The following CCDC178 variants were observed in gnomAD, a reference collection of about 807,000 sequenced individuals.
The protein encoded by CCDC178 is coiled-coil domain containing 178.
Under a neutral mutation model 117.4 loss-of-function variants are expected in CCDC178, and 126 were observed. That is an observed-to-expected ratio of 1.07 (90% CI 0.93 to 1.24). CCDC178 has a LOEUF of 1.24. Among genes scored for constraint, CCDC178 ranks in the 50% most tolerant of loss-of-function variants. The pLI is 0.00. For synonymous variants in CCDC178, 283 were observed against 313.4 expected (o/e 0.90, Z 1.02); for missense variants, 1,030 against 986.9 (o/e 1.04, Z -0.59).
intron 11 of CCDC178, among the ~76,000 whole-genome samples, chr18:33,296,691 T>C (rs889488729): frequency 6.6e-6 from 1 of 152,184 alleles, no homozygotes; most frequent in Non-Finnish European, 1.5e-5. Flanking sequence ...AAGTGAACTT[T>C]AGTGGTTCAC....
chr18:33,057,037 C>A (rs2056842993), intron 21 of CCDC178, among the ~76,000 whole-genome samples: 1 of 147,662 alleles, frequency 6.8e-6, no homozygotes, highest in South Asian at 2.1e-4. Context: ...GGAAAAAAGT[C>A]AAAACTTTAC....
At chr18:33,387,620 C>T (rs2063511880) in intron 5 of CCDC178, among the ~76,000 whole-genome samples, 1 of 152,150 alleles carries the variant, frequency 6.6e-6, no homozygotes, top group South Asian at 2.1e-4. Flanking sequence ...AAACGATTAC[C>T]TATTTAATAA....
intron 4 of CCDC178, among the ~76,000 whole-genome samples, chr18:33,389,858 G>T (rs550246218): frequency 6.6e-6 from 1 of 151,764 alleles, no homozygotes; most frequent in East Asian, 1.9e-4. Flanking sequence ...ATAGCATGAG[G>T]CTGTTTAAAA....
At chr18:33,236,791 C>G (rs530539702) in intron 15 of CCDC178, among the ~76,000 whole-genome samples, 2 of 152,118 alleles carry the variant, frequency 1.3e-5, no homozygotes, top group Admixed American at 6.5e-5. Flanking sequence ...GAGAGCAGCA[C>G]GAAGGCACCT....
At chr18:33,118,803 A>G (rs2057894583) in intron 20 of CCDC178, among the ~76,000 whole-genome samples, 1 of 152,188 alleles carries the variant, frequency 6.6e-6, no homozygotes, top group African/African-American at 2.4e-5. Flanking sequence ...CTACAAGGCT[A>G]CAGTAACCAA....
rs981288588 is a variant in CCDC178 at position 33,149,698 on chromosome 18, C to A, written c.2239-56788G>T. ...CCATTAATATTCCATTATACAATCTCCCCTTTCCTGCTCCCCACAAACATG... is the reference window on the plus strand; with the variant it reads ...CCATTAATATTCCATTATACAATCTACCCTTTCCTGCTCCCCACAAACATG... On this transcript the variant is annotated intron_variant, in intron 20 of 22. Transcript: ENST00000383096. 2.0e-5 allele frequency among the ~76,000 whole-genome samples: 3 copies of A among 152,186 alleles called. No homozygotes were observed. In the East Asian group the frequency reaches 5.8e-4, roughly 29 times the overall value.
At chr18:33,003,530 A>T (rs998589900) in intron 21 of CCDC178, among the ~76,000 whole-genome samples, 2 of 152,126 alleles carry the variant, frequency 1.3e-5, no homozygotes, top group South Asian at 2.1e-4. Flanking sequence ...TAGTAGGAAC[A>T]TACCTCAATA....
At chr18:33,098,242 T>C (rs1055624006) in intron 20 of CCDC178, among the ~76,000 whole-genome samples, 2 of 152,128 alleles carry the variant, frequency 1.3e-5, no homozygotes. Flanking sequence ...AATAGCTGTT[T>C]ACAAATACCT....
At chr18:32,960,105 A>G (rs2054676518) in intron 22 of CCDC178, among the ~76,000 whole-genome samples, 1 of 152,152 alleles carries the variant, frequency 6.6e-6, no homozygotes, top group African/African-American at 2.4e-5. Flanking sequence ...TCCTAAAGCT[A>G]CATCATATTG....
chr18:33,086,074 C>T (rs937360183), intron 21 of CCDC178, among the ~76,000 whole-genome samples: 2 of 151,610 alleles, frequency 1.3e-5, no homozygotes, highest in Admixed American at 6.6e-5. Flanking sequence ...AGAAAATATA[C>T]CTATCATAAA....
At chr18:33,214,781 T>C (rs1048928648) in intron 19 of CCDC178, among the ~76,000 whole-genome samples, 3 of 152,026 alleles carry the variant, frequency 2.0e-5, no homozygotes, top group African/African-American at 7.2e-5. Flanking sequence ...CTTGACTCCA[T>C]TAGAATGCAT....
At chr18:33,174,567 A>G (rs1001469195) in intron 20 of CCDC178, among the ~76,000 whole-genome samples, 14 of 152,206 alleles carry the variant, frequency 9.2e-5, no homozygotes, top group Non-Finnish European at 8.8e-5. Flanking sequence ...GACCAAAGAT[A>G]GGTCATCACA....
At chr18:33,028,353 C>T (rs1011301911) in intron 21 of CCDC178, among the ~76,000 whole-genome samples, 1 of 151,744 alleles carries the variant, frequency 6.6e-6, no homozygotes, top group African/African-American at 2.4e-5. Context: ...ATACATTCAT[C>T]ATAATACATT....
At chr18:33,394,155 C>T (rs1262547057) in intron 4 of CCDC178, among the ~76,000 whole-genome samples, 1 of 151,778 alleles carries the variant, frequency 6.6e-6, no homozygotes, top group Non-Finnish European at 1.5e-5. Flanking sequence ...TTACATAAAA[C>T]ATCAGTGTCA....
intron 2 of CCDC178, among the ~76,000 whole-genome samples, chr18:33,425,815 T>A (rs1269137675): frequency 1.3e-5 from 2 of 152,142 alleles, no homozygotes; most frequent in Non-Finnish European, 2.9e-5. Context: ...AAGTTGACAT[T>A]TCTAGAGGCT....
At chr18:33,001,172 G>T (rs2055623235) in intron 21 of CCDC178, among the ~76,000 whole-genome samples, 1 of 152,172 alleles carries the variant, frequency 6.6e-6, no homozygotes, top group Non-Finnish European at 1.5e-5. Context: ...TTATATGATA[G>T]TATTTTCAAG....
At chr18:33,427,704 G>A (rs891318611) in intron 2 of CCDC178, among the ~76,000 whole-genome samples, 1 of 152,158 alleles carries the variant, frequency 6.6e-6, no homozygotes, top group African/African-American at 2.4e-5. Context: ...AGAACTCACA[G>A]AGTCAGCTTC....
At chr18:33,254,251 A>AACACACAC (rs34689445) in intron 14 of CCDC178, among the ~76,000 whole-genome samples, 263 of 135,460 alleles carry the variant, frequency 1.9e-3, no homozygotes, top group Non-Finnish European at 3.1e-3. Flanking sequence ...TCTATTGAGA[A>AACACACAC]ACACACACAC....
At chr18:33,416,070 G>A (rs1315382322) in intron 2 of CCDC178, among the ~76,000 whole-genome samples, 1 of 152,194 alleles carries the variant, frequency 6.6e-6, no homozygotes, top group Non-Finnish European at 1.5e-5. Context: ...CAGGAAAGGG[G>A]CGGCTTAGTA....
Sources: gnomAD v4.1 joint callset for allele counts (sites outside exome capture counted in the v4.1 genomes callset) on GRCh38, gnomAD v4.1.1 for gene constraint, MANE v1.5 for transcripts, NCBI Gene and HGNC (gene_info 2026-07-23, HGNC 2026-07-21) for gene names.